The following FHIT variants were observed in gnomAD, a reference collection of about 807,000 sequenced individuals.
The protein encoded by FHIT is fragile histidine triad diadenosine triphosphatase.
Under a neutral mutation model 17.9 loss-of-function variants are expected in FHIT, and 19 were observed. The ratio of observed to expected loss-of-function variants is 1.06; its 90% CI spans 0.74 to 1.56. The LOEUF (loss-of-function observed/expected upper bound fraction) is 1.56. Ranked by LOEUF, FHIT falls within the 40% of genes most tolerant of loss-of-function variation. FHIT has a pLI of 0.00. For missense variants in FHIT, 248 were observed against 189.2 expected (o/e 1.31, Z -1.82); for synonymous variants, 81 against 69.7 (o/e 1.16, Z -0.81).
intron 4 of FHIT, among the ~76,000 whole-genome samples, chr3:60,563,819 A>C (rs1381782000): frequency 6.6e-6 from 1 of 152,212 alleles, no homozygotes; most frequent in Non-Finnish European, 1.5e-5. Flanking sequence ...GTTCAAGGAA[A>C]GAAGCCATTT....
intron 3 of FHIT, among the ~76,000 whole-genome samples, chr3:60,934,770 G>A (rs1708115350): frequency 1.3e-5 from 2 of 152,114 alleles, no homozygotes; most frequent in Admixed American, 1.3e-4. Flanking sequence ...CTCCAGCTTT[G>A]AGGCAATGTT....
At chr3:60,202,294 T>G (rs1027875579) in intron 5 of FHIT, among the ~76,000 whole-genome samples, 1 of 152,244 alleles carries the variant, frequency 6.6e-6, no homozygotes, top group Non-Finnish European at 1.5e-5. Flanking sequence ...ATTCTCAGTC[T>G]GAAGTCAATG....
At chr3:60,875,753 T>C (rs1704620528) in intron 3 of FHIT, among the ~76,000 whole-genome samples, 1 of 152,160 alleles carries the variant, frequency 6.6e-6, no homozygotes, top group African/African-American at 2.4e-5. Flanking sequence ...TAGATTATGA[T>C]CATTATCTCT....
intron 4 of FHIT, among the ~76,000 whole-genome samples, chr3:60,550,283 T>A (rs905325212): frequency 6.6e-6 from 1 of 152,092 alleles, no homozygotes; most frequent in African/African-American, 2.4e-5. Context: ...CATTCTAATC[T>A]ACAGGCGTAT....
At chr3:59,913,019 T>C (rs1301143552) in intron 8 of FHIT, among the ~76,000 whole-genome samples, 1 of 152,196 alleles carries the variant, frequency 6.6e-6, no homozygotes, top group Non-Finnish European at 1.5e-5. Context: ...CTTCCTTGTG[T>C]TTAACAAAAA....
At position 60,014,021 on chromosome 3, in the gene FHIT, TGA is replaced by T; in HGVS notation, c.233_234del (p.Leu78HisfsTer33). On this transcript the variant is annotated frameshift_variant, in exon 6 of 10. Coordinates refer to ENST00000492590, the MANE Select transcript of FHIT (RefSeq NM_002012.4). LOFTEE classifies it high-confidence loss of function. ...VVEKHFHGTS[L>X]TFSMQDGPEA... Reference sequence around the variant, plus strand: ...TGTACACTCACCTGCATGGAAAAGGTGAGAGAGGTCCCATGGAAATGTTTTTC... The same window carrying T: ...TGTACACTCACCTGCATGGAAAAGGTGAGAGGTCCCATGGAAATGTTTTTC... The T allele has an allele frequency of 6.2e-7, 1 of 1,613,924 alleles. No individual in the cohort carries two copies. Among genetic ancestry groups the T allele is most frequent in the South Asian group, 1.1e-5 (1 of 91,074 alleles).
chr3:60,044,472 G>A (rs1333094085), intron 5 of FHIT, among the ~76,000 whole-genome samples: 1 of 152,244 alleles, frequency 6.6e-6, no homozygotes, highest in East Asian at 1.9e-4. Flanking sequence ...AGCAAATCGT[G>A]TCCCTCATTC....
At chr3:60,026,066 A>G (rs1700730644) in intron 5 of FHIT, among the ~76,000 whole-genome samples, 1 of 152,156 alleles carries the variant, frequency 6.6e-6, no homozygotes, top group Non-Finnish European at 1.5e-5. Flanking sequence ...CTGTCTCCTA[A>G]TAAAATCAAC....
intron 4 of FHIT, among the ~76,000 whole-genome samples, chr3:60,793,859 G>A (rs992761623): frequency 3.3e-5 from 5 of 152,182 alleles, no homozygotes. Flanking sequence ...GAAGCCAGCA[G>A]CTCCAATTGG....
chr3:60,512,101 C>G (rs190587694), intron 5 of FHIT, among the ~76,000 whole-genome samples: 3 of 152,142 alleles, frequency 2.0e-5, no homozygotes, highest in Non-Finnish European at 2.9e-5. Context: ...ATAAATGACT[C>G]AAGCCAGAAT....
chr3:60,765,584 A>C (rs7624678), intron 4 of FHIT: 26,228 of 152,148 alleles, frequency 0.17, 3,512 homozygotes, highest in African/African-American at 0.38. Flanking sequence ...AGAGAAATGT[A>C]ATCAGGGATC....
At chr3:59,939,704 T>G (rs1475853096) in intron 7 of FHIT, among the ~76,000 whole-genome samples, 6 of 152,164 alleles carry the variant, frequency 3.9e-5, no homozygotes, top group Non-Finnish European at 7.4e-5. Context: ...TTAAGGTGAT[T>G]AGCCAACAAT....
At chr3:60,797,954 T>C (rs890773449) in intron 4 of FHIT, among the ~76,000 whole-genome samples, 5 of 152,170 alleles carry the variant, frequency 3.3e-5, no homozygotes, top group Non-Finnish European at 7.3e-5. Context: ...AATTAATTTA[T>C]ATGCTTGAGG....
intron 4 of FHIT, among the ~76,000 whole-genome samples, chr3:60,657,891 C>T (rs782556675): frequency 6.6e-6 from 1 of 152,124 alleles, no homozygotes; most frequent in Non-Finnish European, 1.5e-5. Context: ...TGCATCCTTG[C>T]CAGCATTTGG....
chr3:60,749,172 C>G (rs562510972), intron 4 of FHIT, among the ~76,000 whole-genome samples: 2 of 152,304 alleles, frequency 1.3e-5, no homozygotes, highest in Admixed American at 1.3e-4. Flanking sequence ...GGCTATAAAA[C>G]TCCCCCAGAG....
At chr3:60,083,544 T>A (rs947947967) in intron 5 of FHIT, among the ~76,000 whole-genome samples, 1 of 152,092 alleles carries the variant, frequency 6.6e-6, no homozygotes, top group Non-Finnish European at 1.5e-5. Flanking sequence ...TTGGGCAACA[T>A]TGCCATATTA....
chr3:60,485,721 T>C (rs1339502776), intron 5 of FHIT, among the ~76,000 whole-genome samples: 1 of 152,046 alleles, frequency 6.6e-6, no homozygotes, highest in Non-Finnish European at 1.5e-5. Flanking sequence ...ATGGCACACG[T>C]ATACCTATGT....
At chr3:60,450,311 C>A (rs2031650938) in intron 5 of FHIT, among the ~76,000 whole-genome samples, 1 of 151,782 alleles carries the variant, frequency 6.6e-6, no homozygotes, top group African/African-American at 2.4e-5. Flanking sequence ...TCTTATGGGG[C>A]CACTGTCATA....
intron 5 of FHIT, among the ~76,000 whole-genome samples, chr3:60,396,403 T>C (rs865952722): frequency 3.9e-5 from 6 of 152,258 alleles, no homozygotes; most frequent in African/African-American, 1.4e-4. Flanking sequence ...AAAATCTTTC[T>C]TGTGCTTCAG....
Sources: allele counts gnomAD v4.1 joint callset (sites outside exome capture counted in the v4.1 genomes callset), GRCh38; gene constraint gnomAD v4.1.1; transcripts MANE v1.5; gene names NCBI Gene and HGNC (gene_info 2026-07-23, HGNC 2026-07-21).